Variants in EFHB observed in about 807,000 individuals in gnomAD.
The protein encoded by EFHB is EF-hand domain family member B.
In EFHB, 91 loss-of-function variants were observed where a neutral mutation model predicts 87.2. That is an observed-to-expected ratio of 1.04 (90% confidence interval 0.88 to 1.24). EFHB has a LOEUF of 1.24. Ranked by LOEUF, EFHB falls within the 50% of genes most tolerant of loss-of-function variation. EFHB has a pLI of 0.00. For missense variants in EFHB, 1,084 were observed against 998.8 expected (o/e 1.09, Z -1.15); for synonymous variants, 325 against 333.6 (o/e 0.97, Z 0.28).
chr3:19,881,242 T>G (rs778665140), intron 12 of EFHB, among the ~76,000 whole-genome samples: 7 of 152,184 alleles, frequency 4.6e-5, no homozygotes, highest in African/African-American at 7.2e-5. Flanking sequence ...GAGTCAGTCT[T>G]GAGCATCCCA....
At chr3:19,892,175 T>C (rs1184393287) in intron 9 of EFHB, among the ~76,000 whole-genome samples, 1 of 152,190 alleles carries the variant, frequency 6.6e-6, no homozygotes, top group Non-Finnish European at 1.5e-5. Context: ...ACATTTTCAG[T>C]CTGTCAATGG....
chr3:19,918,230 A>C lies in EFHB; in HGVS notation c.1177+2T>G. On this transcript the variant is annotated splice_donor_variant, in intron 4 of 12. Coordinates refer to ENST00000295824, the MANE Select transcript of EFHB (RefSeq NM_144715.4). LOFTEE classifies it high-confidence loss of function. The stretch of plus-strand genomic sequence containing the variant: ...CCCACCCCTTATTTTTTTTTTTACT[A>C]CCTTTGATGACTGCTGTCCCAAATG... 6.4e-7 allele frequency: 1 copy of C among 1,554,080 alleles called. No individual in the cohort carries two copies.
chr3:19,884,632 T>C lies in EFHB; in HGVS notation c.1934-17A>G. On this transcript the variant is annotated splice_polypyrimidine_tract_variant and intron_variant, in intron 10 of 12. Coordinates refer to ENST00000295824, the MANE Select transcript of EFHB (RefSeq NM_144715.4). ...GTTTTCTACCTTTAAGGAAAATAAA[T>C]GAAAGAAAAAATGCAGGAATACATT... is the stretch of plus-strand genomic sequence containing the variant. The C allele has an allele frequency of 6.2e-7, 1 of 1,604,514 alleles. No homozygotes were observed. Among genetic ancestry groups the C allele is most frequent in the African/African-American group, 1.3e-5 (1 of 74,180 alleles).
At chr3:19,881,764 A>T (rs1049777514) in intron 12 of EFHB, among the ~76,000 whole-genome samples, 8 of 152,082 alleles carry the variant, frequency 5.3e-5, no homozygotes, top group African/African-American at 1.9e-4. Flanking sequence ...GTCCGAAAAG[A>T]CATCGTATGT....
At chr3:19,919,778 G>T in intron 3 of EFHB, 55 bp downstream of exon 3, 1 of 1,539,526 alleles carries the variant, frequency 6.5e-7, no homozygotes, top group Non-Finnish European at 8.9e-7. Context: ...CCTGATTTGT[G>T]CATTTTCACC....
At chr3:19,890,531 C>T (rs759338208) in intron 9 of EFHB, among the ~76,000 whole-genome samples, 36 of 152,212 alleles carry the variant, frequency 2.4e-4, no homozygotes, top group Non-Finnish European at 1.5e-4. Context: ...ATTATTGCTA[C>T]GGCTTCCAAG....
At chr3:19,895,253 G>A (rs1326056310) in intron 9 of EFHB, among the ~76,000 whole-genome samples, 3 of 151,598 alleles carry the variant, frequency 2.0e-5, no homozygotes, top group Non-Finnish European at 2.9e-5. Flanking sequence ...AGGCCGAGGC[G>A]GGTGGGTCAC....
At position 19,933,663 on chromosome 3, in the gene EFHB, C is replaced by A; in HGVS notation, c.356G>T (p.Gly119Val). 6.2e-7 allele frequency: 1 copy of A among 1,614,010 alleles called. No homozygotes were observed. The highest frequency in any genetic ancestry group is 8.5e-7 in the Non-Finnish European group (1 of 1,179,900). Reference protein sequence around the residue: ...MGLENESLLAGYTHERIIQPP... With the variant: ...MGLENESLLAVYTHERIIQPP... ...CTGTATTATCCGTTCATGGGTATAT[C>A]CTGCAAGAAGACTCTCATTTTCTAA... Residue 119 changes from glycine to valine, a missense_variant, in exon 1 of 13, where the codon GGA (glycine) becomes GTA (valine). Physicochemically the swap from Gly to Val is moderately radical, Grantham distance 109. Coordinates refer to ENST00000295824, the MANE Select transcript of EFHB (RefSeq NM_144715.4).
chr3:19,926,623 G>A (rs1164059667), intron 1 of EFHB, among the ~76,000 whole-genome samples: 2 of 151,908 alleles, frequency 1.3e-5, no homozygotes, highest in African/African-American at 2.4e-5. Context: ...GCCTCCCAAA[G>A]TGCTGGGATT....
chr3:19,920,108 A>G, intron 2 of EFHB, 132 bp from the exon 3 acceptor site: 1 of 887,838 alleles, frequency 1.1e-6, no homozygotes, highest in South Asian at 2.0e-5. Flanking sequence ...ACAGCCCCAA[A>G]TAATGAACAT....
Position 19,918,423 on chromosome 3 carries a change from C to G in EFHB, c.997-11G>C. The G allele has an allele frequency of 6.4e-7, 1 of 1,572,794 alleles. No homozygotes were observed. Among genetic ancestry groups the G allele is most frequent in the Non-Finnish European group, 8.6e-7 (1 of 1,164,462 alleles). Reference sequence around the variant, plus strand: ...TATCAATGTGTTTGCCTAAAGAAATCATACAATGCACAAATATATCAACAA... The same window carrying G: ...TATCAATGTGTTTGCCTAAAGAAATGATACAATGCACAAATATATCAACAA... On this transcript the variant is annotated splice_polypyrimidine_tract_variant and intron_variant, in intron 3 of 12. Transcript: ENST00000295824.
chr3:19,909,581 T>C (rs564287645), intron 5 of EFHB, among the ~76,000 whole-genome samples: 1 of 152,108 alleles, frequency 6.6e-6, no homozygotes, highest in South Asian at 2.1e-4. Flanking sequence ...ATACATGTCA[T>C]ACTGGGACAC....
At chr3:19,890,338 C>G (rs1694262761) in intron 9 of EFHB, among the ~76,000 whole-genome samples, 1 of 152,104 alleles carries the variant, frequency 6.6e-6, no homozygotes, top group Admixed American at 6.6e-5. Context: ...ACCAAGGGCT[C>G]CAGGTCTTCA....
chr3:19,933,642 A>T lies in EFHB; in HGVS notation c.377T>A (p.Ile126Lys). Residue 126 changes from isoleucine (I) to lysine (K), a missense_variant, in exon 1 of 13, where the codon ATA becomes AAA. Ile to Lys is a moderately radical substitution (Grantham distance 102). Coordinates refer to ENST00000295824, the MANE Select transcript of EFHB (RefSeq NM_144715.4). ...ACACACCCTGCCCAAAGGAGGCTGT[A>T]TTATCCGTTCATGGGTATATCCTGC... ...LLAGYTHERI[I>K]QPPLGRVCGS... The T allele has an allele frequency of 6.2e-7, 1 of 1,613,908 alleles. No homozygotes were observed. Among genetic ancestry groups the T allele is most frequent in the Admixed American group, 1.7e-5 (1 of 60,012 alleles).
chr3:19,938,312 C>T (rs570155571), upstream of EFHB, among the ~76,000 whole-genome samples: 28 of 152,272 alleles, frequency 1.8e-4, no homozygotes, highest in Admixed American at 8.5e-4. Context: ...ACTCTTAAGA[C>T]GCTTGCATTT....
intron 1 of EFHB, chr3:19,940,314 A>G (rs1696127633): frequency 3.4e-6 from 1 of 291,928 alleles, no homozygotes; most frequent in Non-Finnish European, 6.9e-6. Context: ...GAGGAGATCC[A>G]CCAACAGTGA....
At chr3:19,898,695 A>T (rs1694564534) in intron 8 of EFHB, 83 bp downstream of exon 8, 8 of 1,283,444 alleles carry the variant, frequency 6.2e-6, no homozygotes, top group Non-Finnish European at 9.0e-6. Flanking sequence ...AAATAAGGAG[A>T]TGGTGAGCTT....
At chr3:19,910,094 C>A (rs574184959) in intron 5 of EFHB, among the ~76,000 whole-genome samples, 16 of 151,958 alleles carry the variant, frequency 1.1e-4, no homozygotes, top group African/African-American at 3.9e-4. Context: ...GTAAGGGGAA[C>A]TTTGTCCTAC....
chr3:19,918,370 G>A lies in EFHB; in HGVS notation c.1039C>T (p.Gln347Ter), dbSNP rs142197546. Residue 347 changes from glutamine to a stop codon, truncating the protein, a stop_gained, in exon 4 of 13, where the codon CAG becomes TAG. Coordinates refer to ENST00000295824, the MANE Select transcript of EFHB (RefSeq NM_144715.4). LOFTEE classifies it high-confidence loss of function. ...INPQPITTFQ[Q>*]KIKDKKESIY... Reference sequence around the variant, plus strand: ...GATTCTTTTTTATCTTTAATTTTCTGTTGAAATGTGGTAATAGGCTGTGGG... The same window carrying A: ...GATTCTTTTTTATCTTTAATTTTCTATTGAAATGTGGTAATAGGCTGTGGG... The A allele has an allele frequency of 6.8e-6, 11 of 1,610,860 alleles. No homozygotes were observed. In the African/African-American group the frequency reaches 1.2e-4, roughly 18 times the overall value.
Sources: gnomAD v4.1 joint callset for allele counts (sites outside exome capture counted in the v4.1 genomes callset) on GRCh38, gnomAD v4.1.1 for gene constraint, MANE v1.5 for transcripts, NCBI Gene and HGNC (gene_info 2026-07-23, HGNC 2026-07-21) for gene names.